Variants in SLC8A1 observed in about 807,000 individuals in gnomAD.
SLC8A1 encodes the protein solute carrier family 8 member A1.
SLC8A1 carries 18 observed loss-of-function variants against 68.3 expected under a neutral mutation model. That is an observed-to-expected ratio of 0.26 (90% CI 0.18 to 0.39). SLC8A1 has a LOEUF of 0.39. SLC8A1 is among the 10% of genes least tolerant of loss of function. The pLI, the probability that SLC8A1 is intolerant of heterozygous loss-of-function variation, is 1.00. For synonymous variants in SLC8A1, 475 were observed against 415.5 expected (o/e 1.14, Z -1.74); for missense variants, 985 against 1,156.7 (o/e 0.85, Z 2.15).
At chr2:40,265,445 TA>T (rs925910864) in intron 2 of SLC8A1, among the ~76,000 whole-genome samples, 2 of 152,116 alleles carry the variant, frequency 1.3e-5, no homozygotes, top group East Asian at 1.9e-4. Context: ...CTCTTTGACT[TA>T]AAAAAAATTA....
intron 2 of SLC8A1, among the ~76,000 whole-genome samples, chr2:40,269,183 G>A (rs776917497): frequency 3.9e-5 from 6 of 152,122 alleles, no homozygotes; most frequent in Non-Finnish European, 7.4e-5. Context: ...CCAGGTTTTT[G>A]TCTTTATTAT....
chr2:40,338,381 G>C (rs1383396854), intron 2 of SLC8A1, among the ~76,000 whole-genome samples: 2 of 152,182 alleles, frequency 1.3e-5, no homozygotes, highest in African/African-American at 2.4e-5. Context: ...GTATGACTGT[G>C]TGTGTATGCC....
chr2:40,248,303 T>A (rs1203856733), intron 2 of SLC8A1, among the ~76,000 whole-genome samples: 2 of 152,192 alleles, frequency 1.3e-5, no homozygotes, highest in African/African-American at 4.8e-5. Context: ...AACTCAGAGG[T>A]TGAAATCCTA....
At chr2:40,351,984 A>G (rs943247949) in intron 2 of SLC8A1, among the ~76,000 whole-genome samples, 1 of 152,240 alleles carries the variant, frequency 6.6e-6, no homozygotes, top group African/African-American at 2.4e-5. Flanking sequence ...ATCTTATCCA[A>G]AAGAAGCAAA....
intron 4 of SLC8A1, among the ~76,000 whole-genome samples, chr2:40,171,953 T>C (rs2047568365): frequency 1.3e-5 from 2 of 152,168 alleles, no homozygotes; most frequent in African/African-American, 4.8e-5. Flanking sequence ...CTCTGAAATA[T>C]TGGTATTAGG....
intron 2 of SLC8A1, among the ~76,000 whole-genome samples, chr2:40,375,683 A>T (rs1287228381): frequency 6.6e-6 from 1 of 152,102 alleles, no homozygotes; most frequent in Non-Finnish European, 1.5e-5. Context: ...AACTGAAACA[A>T]GTTAATCACT....
At chr2:40,255,932 A>G (rs1415881264) in intron 2 of SLC8A1, among the ~76,000 whole-genome samples, 3 of 147,998 alleles carry the variant, frequency 2.0e-5, no homozygotes, top group Admixed American at 1.4e-4. Flanking sequence ...TTGAGTCCAC[A>G]TGTATTTAGA....
exon 8 of SLC8A1, chr2:40,098,441 C>G (rs1009137069): frequency 1.3e-5 from 2 of 151,950 alleles, no homozygotes; most frequent in African/African-American, 4.8e-5. Flanking sequence ...TTCTGTACAA[C>G]ATTGTTAGAC....
chr2:40,144,666 G>C (rs919476597), intron 6 of SLC8A1, among the ~76,000 whole-genome samples: 1 of 150,806 alleles, frequency 6.6e-6, no homozygotes, highest in Non-Finnish European at 1.5e-5. Flanking sequence ...TTATTTCTTT[G>C]GCAGAGCCAG....
intron 2 of SLC8A1, among the ~76,000 whole-genome samples, chr2:40,421,489 T>C (rs181557960): frequency 7.2e-5 from 11 of 152,220 alleles, no homozygotes; most frequent in East Asian, 5.8e-4. Flanking sequence ...TATGTAAGCA[T>C]AGAAAAGCAA....
intron 1 of SLC8A1, 105 bp from the exon 2 acceptor site, chr2:40,430,409 G>C (rs957233097): frequency 1.6e-6 from 2 of 1,237,560 alleles, no homozygotes; most frequent in African/African-American, 3.1e-5. Flanking sequence ...ACCAAAATTT[G>C]TTTATATTTG....
intron 2 of SLC8A1, among the ~76,000 whole-genome samples, chr2:40,228,234 A>G (rs1043483600): frequency 2.0e-5 from 3 of 152,156 alleles, no homozygotes; most frequent in Non-Finnish European, 4.4e-5. Flanking sequence ...TATACATAAT[A>G]TTTTTCCCTG....
Position 40,506,104 on chromosome 2 carries a change from C to CT in SLC8A1, c.-25+6244dup, listed in dbSNP as rs34231209. On this transcript the variant is annotated intron_variant, in intron 1 of 7. Coordinates refer to the SLC8A1 transcript ENST00000402441. ...CATTTTATGCAATATTTCATAGATC[C>CT]TTTTTTTTTTTTTTTTTGACCATGG... Among the ~76,000 whole-genome samples, 257 of 132,158 alleles carry CT rather than the reference C, an allele frequency of 1.9e-3. 1 individual carries two copies. Among genetic ancestry groups the CT allele is most frequent in the East Asian group, 0.019 (88 of 4,706 alleles). 86.7% of individuals were successfully genotyped at this position (132,158 alleles called of 152,430 possible).
intron 2 of SLC8A1, among the ~76,000 whole-genome samples, chr2:40,252,091 CTA>C (rs1161100781): frequency 6.6e-6 from 1 of 152,144 alleles, no homozygotes; most frequent in Non-Finnish European, 1.5e-5. Flanking sequence ...GATGAGCAAA[CTA>C]TGAATTATTT....
intron 2 of SLC8A1, among the ~76,000 whole-genome samples, chr2:40,279,119 T>C (rs530227666): frequency 1.3e-5 from 2 of 152,274 alleles, no homozygotes; most frequent in East Asian, 3.9e-4. Flanking sequence ...GTGTGGTCCA[T>C]AGCTATTTAT....
intron 2 of SLC8A1, among the ~76,000 whole-genome samples, chr2:40,398,226 T>A (rs1435500650): frequency 6.6e-6 from 1 of 152,210 alleles, no homozygotes; most frequent in African/African-American, 2.4e-5. Context: ...CTAGTCTTGG[T>A]CAGCTTCTTC....
chr2:40,428,621 C>G, exon 2 of SLC8A1: 1 of 1,613,832 alleles, frequency 6.2e-7, no homozygotes, highest in South Asian at 1.1e-5. Flanking sequence ...TCCATGATGC[C>G]AATGCTCTCA....
chr2:40,349,251 T>C (rs910928892), intron 2 of SLC8A1, among the ~76,000 whole-genome samples: 4 of 152,170 alleles, frequency 2.6e-5, no homozygotes, highest in African/African-American at 7.2e-5. Context: ...CATGTCTTAA[T>C]CAAATTTGTA....
In SLC8A1 at chr2:40,302,501, ATG is replaced by A. The variant is rs1226294857; in HGVS notation, c.1809-124648_1809-124647del. ...TATATATGATACATATATATCATAT[ATG>A]TGTGTGTATACATATATAACATATA... On this transcript the variant is annotated intron_variant, in intron 2 of 7. Coordinates refer to ENST00000406785, the Ensembl canonical transcript of SLC8A1. 1.0e-4 allele frequency among the ~76,000 whole-genome samples: 15 copies of A among 149,858 alleles called. No individual in the cohort carries two copies. In the South Asian group the frequency reaches 2.7e-3, roughly 27 times the overall value.
Sources: allele counts gnomAD v4.1 joint callset (sites outside exome capture counted in the v4.1 genomes callset), GRCh38; gene constraint gnomAD v4.1.1; transcripts MANE v1.5; gene names NCBI Gene and HGNC (gene_info 2026-07-23, HGNC 2026-07-21).